Variants in CD44 observed in about 807,000 individuals in gnomAD.
CD44 encodes CD44 molecule (IN blood group).
Under a neutral mutation model 88.8 loss-of-function variants are expected in CD44, and 49 were observed. The ratio of observed to expected loss-of-function variants is 0.55; its 90% CI spans 0.44 to 0.70. CD44 has a LOEUF of 0.70. Ranked by LOEUF, CD44 falls within the 30% of genes least tolerant of loss-of-function variation. The pLI, the probability that CD44 is intolerant of heterozygous loss-of-function variation, is 0.00. For synonymous variants in CD44, 325 were observed against 312.3 expected (o/e 1.04, Z -0.43); for missense variants, 883 against 913.8 (o/e 0.97, Z 0.43).
intron 2 of CD44, 77 bp downstream of exon 2, chr11:35,176,817 C>T (rs1033752531): frequency 2.9e-6 from 4 of 1,381,960 alleles, no homozygotes; most frequent in Non-Finnish European, 4.0e-6. Context: ...CTGGAAGGCT[C>T]CTTTCCCACA....
At chr11:35,204,304 A>G (rs1457765640) in intron 9 of CD44, among the ~76,000 whole-genome samples, 1 of 152,208 alleles carries the variant, frequency 6.6e-6, no homozygotes, top group East Asian at 1.9e-4. Flanking sequence ...ACTTCTTTGG[A>G]CCACAATTTT....
intron 1 of CD44, among the ~76,000 whole-genome samples, chr11:35,142,947 A>C (rs911076981): frequency 6.6e-6 from 1 of 152,034 alleles, no homozygotes; most frequent in African/African-American, 2.4e-5. Context: ...GCGACTTGTT[A>C]AGATATTAGG....
At chr11:35,174,139 A>G (rs988746986) in intron 1 of CD44, among the ~76,000 whole-genome samples, 5 of 152,254 alleles carry the variant, frequency 3.3e-5, no homozygotes, top group African/African-American at 9.6e-5. Flanking sequence ...TCAGAAATAC[A>G]GAACAGAGCA....
At chr11:35,150,880 C>T (rs1860188079) in intron 1 of CD44, among the ~76,000 whole-genome samples, 1 of 152,160 alleles carries the variant, frequency 6.6e-6, no homozygotes, top group African/African-American at 2.4e-5. Flanking sequence ...ACAAACTGAC[C>T]AACTTAAAAT....
rs1950008980 is a variant in CD44, at chr11:35,230,514, A to G, written c.*1181A>G. 1 of 152,222 alleles carries G rather than the reference A, an allele frequency of 6.6e-6. No homozygotes were observed. Among genetic ancestry groups the G allele is most frequent in the African/African-American group, 2.4e-5 (1 of 41,466 alleles). The allele number at this position is 152,222 out of a possible 1,614,324, so 9.4% of individuals were successfully genotyped here. A position where few individuals can be genotyped will look rare whatever the true frequency, so the allele number is the denominator to read the frequency against. ...ATTGGCAAAGGGGAAGGATGATGCC[A>G]TGTAGATCCTGTTTGACATTTTTAT... On this transcript the variant is annotated 3_prime_UTR_variant, in exon 18 of 18. Coordinates refer to ENST00000428726, the MANE Select transcript of CD44 (RefSeq NM_000610.4).
intron 17 of CD44, among the ~76,000 whole-genome samples, chr11:35,228,664 G>A: frequency 6.6e-6 from 1 of 152,192 alleles, no homozygotes; most frequent in African/African-American, 2.4e-5. Flanking sequence ...TGAATTTTCT[G>A]ATCCCCAAGG....
intron 4 of CD44, among the ~76,000 whole-genome samples, chr11:35,188,666 A>C (rs1270692714): frequency 2.6e-5 from 4 of 152,088 alleles, no homozygotes. Flanking sequence ...GGCTTGCCAC[A>C]GTGGCTCACT....
At chr11:35,177,421 A>G (rs895314405) in intron 2 of CD44, among the ~76,000 whole-genome samples, 1 of 152,206 alleles carries the variant, frequency 6.6e-6, no homozygotes, top group Non-Finnish European at 1.5e-5. Flanking sequence ...AGCGGTGCAC[A>G]AGAAGAGCAA....
intron 1 of CD44, among the ~76,000 whole-genome samples, chr11:35,157,652 G>T (rs1360374890): frequency 6.6e-6 from 1 of 152,138 alleles, no homozygotes; most frequent in Non-Finnish European, 1.5e-5. Flanking sequence ...CCTCCTCATA[G>T]CTGTGAGCCA....
chr11:35,146,339 G>T (rs554503032), intron 1 of CD44, among the ~76,000 whole-genome samples: 12 of 152,348 alleles, frequency 7.9e-5, no homozygotes, highest in Non-Finnish European at 1.6e-4. Flanking sequence ...CAGTCATTTT[G>T]AGCATCTGCT....
chr11:35,169,266 C>T (rs929516999), intron 1 of CD44, among the ~76,000 whole-genome samples: 9 of 152,092 alleles, frequency 5.9e-5, no homozygotes, highest in African/African-American at 1.4e-4. Context: ...CTGTTGTCAA[C>T]GAAGCCCACA....
chr11:35,209,794 G>C (rs1481696674), intron 12 of CD44, among the ~76,000 whole-genome samples, 171 bp from the exon 13 acceptor site: 2 of 152,150 alleles, frequency 1.3e-5, no homozygotes, highest in Admixed American at 6.5e-5. Context: ...GGGCAAAATA[G>C]AATTCTTCTG....
At position 35,222,598 on chromosome 11, in the gene CD44, A is replaced by AATATAT. The variant is rs55982807; in HGVS notation, c.2024+880_2024+885dup. The AATATAT allele has an allele frequency of 4.5e-4, 248 of 545,874 alleles. 1 individual carries two copies. The East Asian group carries it at 6.9e-3, about 15-fold the overall frequency. 33.8% of individuals were successfully genotyped at this position (545,874 alleles called of 1,614,324 possible). On this transcript the variant is annotated intron_variant, in intron 17 of 17. Transcript: ENST00000428726. ...TACATGTTATTTACATTTTATATAT[A>AATATAT]ATATATATATATATATATACACATA...
intron 3 of CD44, 24 bp downstream of exon 3, chr11:35,180,431 T>C (rs1267658235): frequency 1.2e-6 from 2 of 1,613,860 alleles, no homozygotes; most frequent in Non-Finnish European, 8.5e-7. Context: ...GGGGTGTCTG[T>C]TGGCGTGAAA....
chr11:35,180,644 T>C (rs979282363), intron 3 of CD44, among the ~76,000 whole-genome samples: 1 of 152,208 alleles, frequency 6.6e-6, no homozygotes, highest in African/African-American at 2.4e-5. Context: ...TTGGCTTCCC[T>C]AGGTCACATT....
At chr11:35,186,154 A>G (rs1365815497) in intron 3 of CD44, among the ~76,000 whole-genome samples, 5 of 152,264 alleles carry the variant, frequency 3.3e-5, no homozygotes, top group African/African-American at 1.2e-4. Flanking sequence ...CTCAGAAGCA[A>G]CATGCTGAGA....
chr11:35,140,607 G>T (rs1857715779), intron 1 of CD44, among the ~76,000 whole-genome samples: 1 of 152,154 alleles, frequency 6.6e-6, no homozygotes, highest in East Asian at 1.9e-4. Context: ...TGGAGGCTAG[G>T]CAGGATGAGT....
chr11:35,196,503 T>G (rs772104261), intron 5 of CD44, among the ~76,000 whole-genome samples: 2 of 147,174 alleles, frequency 1.4e-5, no homozygotes, highest in African/African-American at 2.6e-5. Flanking sequence ...AATTTTTAAA[T>G]CTTTAATATA....
intron 15 of CD44, among the ~76,000 whole-genome samples, chr11:35,217,989 T>G (rs1485557003): frequency 1.3e-5 from 2 of 152,164 alleles, no homozygotes; most frequent in African/African-American, 4.8e-5. Context: ...GATCTCCCTA[T>G]GTTTCCCAGG....
Sources: allele counts gnomAD v4.1 joint callset (sites outside exome capture counted in the v4.1 genomes callset), GRCh38; gene constraint gnomAD v4.1.1; transcripts MANE v1.5; gene names NCBI Gene and HGNC (gene_info 2026-07-23, HGNC 2026-07-21).